Variants in IKBKB observed in about 807,000 individuals in gnomAD.
IKBKB encodes inhibitor of nuclear factor kappa-B kinase subunit beta.
In IKBKB, 42 loss-of-function variants were observed where a neutral mutation model predicts 113.6. The observed-to-expected ratio is 0.37, with a 90% CI of 0.29 to 0.48. IKBKB has a LOEUF of 0.48. IKBKB is among the 20% of genes least tolerant of loss of function. The probability of loss-of-function intolerance (pLI) is 0.99; values close to 1 mark genes in which losing one functional copy is unlikely to be tolerated. For missense variants in IKBKB, 673 were observed against 939.7 expected, an observed-to-expected ratio of 0.72 and a Z score of 3.71; for synonymous variants, 296 against 361.3, an observed-to-expected ratio of 0.82 and a Z score of 2.05.
intron 2 of IKBKB, among the ~76,000 whole-genome samples, chr8:42,287,953 C>CA (rs370121346): frequency 3.2e-4 from 49 of 152,232 alleles, no homozygotes; most frequent in African/African-American, 1.2e-3. Context: ...AGCAGTGTCC[C>CA]ATGGGTCAGC....
intron 2 of IKBKB, 148 bp downstream of exon 2, chr8:42,272,353 A>G (rs1371236187): frequency 1.0e-6 from 1 of 984,654 alleles, no homozygotes; most frequent in African/African-American, 1.6e-5. Context: ...AGAGGGCTTC[A>G]GGACTTCTGA....
At chr8:42,286,684 C>A (rs979883338) in intron 2 of IKBKB, among the ~76,000 whole-genome samples, 1 of 152,164 alleles carries the variant, frequency 6.6e-6, no homozygotes, top group East Asian at 1.9e-4. Flanking sequence ...CCAGGCTGAT[C>A]TGTGTGTCTT....
intron 6 of IKBKB, among the ~76,000 whole-genome samples, chr8:42,305,703 CTA>C (rs936786906): frequency 6.6e-6 from 1 of 152,216 alleles, no homozygotes; most frequent in African/African-American, 2.4e-5. Context: ...CTGGTCCAGC[CTA>C]TAGTTTCCCC....
Position 42,316,148 on chromosome 8 carries a change from C to A in IKBKB, c.801-62C>A. 6.3e-7 allele frequency: 1 copy of A among 1,586,306 alleles called. No individual in the cohort carries two copies. Among genetic ancestry groups the A allele is most frequent in the Non-Finnish European group, 8.6e-7 (1 of 1,161,820 alleles). On this transcript the variant is annotated intron_variant, in intron 9 of 21. Coordinates refer to ENST00000520810, the MANE Select transcript of IKBKB (RefSeq NM_001556.3). This position sits in a 1 kb window ranked among gnomAD's most constrained non-coding sequence, Gnocchi z 4.5. ...TGCCGTCTGTGTGTATACTGGGAGA[C>A]GCACACTGTAGCCCAACATTGGCTG...
intron 4 of IKBKB, among the ~76,000 whole-genome samples, chr8:42,291,481 A>G (rs1812634288): frequency 6.6e-6 from 1 of 152,178 alleles, no homozygotes; most frequent in South Asian, 2.1e-4. Context: ...GCGCCCAGCC[A>G]ACAACAATTT....
chr8:42,330,007 T>C, intron 21 of IKBKB: 1 of 985,458 alleles, frequency 1.0e-6, no homozygotes, highest in Non-Finnish European at 1.2e-6. Flanking sequence ...ACATTCTATA[T>C]CTCTTGCTGC....
rs56301637 is a variant in IKBKB, at chr8:42,329,211, C to G, written c.2202C>G (p.Phe734Leu). The G allele has an allele frequency of 1.8e-5, 28 of 1,582,968 alleles. No individual in the cohort carries two copies. The East Asian group carries it at 6.6e-4, about 37-fold the overall frequency. ...CTGTGAGGGAACAAGACCAGAGTTT[C>G]ACGGTAACAGCTTGTGTGAGACTCC... ...QDTVREQDQS[F>L]TALDWSWLQT... The change falls in exon 21 of 22, where the codon TTC becomes TTG. Residue 734 changes from phenylalanine to leucine, a missense_variant. This residue lies in a region of IKBKB where 506 missense variants were observed against 638.7 expected (regional missense o/e 0.79). Transcript: ENST00000520810.
chr8:42,288,696 G>A lies in IKBKB; in HGVS notation c.168G>A (p.Glu56=), dbSNP rs1186913596. 1.2e-6 allele frequency: 2 copies of A among 1,611,510 alleles called. No individual in the cohort carries two copies. Among genetic ancestry groups the A allele is most frequent in the African/African-American group, 1.3e-5 (1 of 74,828 alleles). The change falls in exon 3 of 22, where the codon GAG becomes GAA. Residue 56 remains glutamate, a synonymous_variant. Transcript: ENST00000520810. The part of the protein sequence containing the change: ...CRQELSPRNR[E]RWCLEIQIMR... ...AGGAGCTCAGCCCCCGGAACCGAGA[G>A]CGGTGGTGCCTGGAGATCCAGATCA...
At chr8:42,312,876 T>G (rs1817983007) in intron 8 of IKBKB, among the ~76,000 whole-genome samples, 1 of 152,216 alleles carries the variant, frequency 6.6e-6, no homozygotes, top group Non-Finnish European at 1.5e-5. Flanking sequence ...TTCCTAGATG[T>G]TTTGAGGAAA....
chr8:42,294,317 T>C (rs1813265616), intron 5 of IKBKB, among the ~76,000 whole-genome samples: 1 of 152,220 alleles, frequency 6.6e-6, no homozygotes, highest in Non-Finnish European at 1.5e-5. Flanking sequence ...CTGTATACAT[T>C]TTTTCTTTTT....
At chr8:42,292,371 G>A (rs1812814632) in intron 4 of IKBKB, among the ~76,000 whole-genome samples, 1 of 152,212 alleles carries the variant, frequency 6.6e-6, no homozygotes, top group Admixed American at 6.5e-5. Context: ...GCCTGGCGTG[G>A]GTTGCAGGAT....
At position 42,273,364 on chromosome 8, in the gene IKBKB, G is replaced by A. The variant is rs1464131152; in HGVS notation, c.105+1159G>A. On this transcript the variant is annotated intron_variant, in intron 2 of 21. Coordinates refer to ENST00000520810, the MANE Select transcript of IKBKB (RefSeq NM_001556.3). ...CAGGAGGCAGAGGTTGCAGTGAGCC[G>A]AGATAGTGTCACTGCATTCCAGCCT... 7.3e-5 allele frequency among the ~76,000 whole-genome samples: 11 copies of A among 151,666 alleles called. No individual in the cohort carries two copies. In the East Asian group the frequency reaches 1.2e-3, roughly 16 times the overall value.
At position 42,280,298 on chromosome 8, in the gene IKBKB, C is replaced by A. The variant is rs536648678; in HGVS notation, c.105+8093C>A. 1.3e-3 allele frequency among the ~76,000 whole-genome samples: 197 copies of A among 152,312 alleles called. 1 individual carries two copies. The highest frequency in any genetic ancestry group is 2.1e-3 in the Non-Finnish European group (142 of 68,026). On this transcript the variant is annotated intron_variant, in intron 2 of 21. Coordinates refer to ENST00000520810, the MANE Select transcript of IKBKB (RefSeq NM_001556.3). ...CTGTTCTTGTGGTTCTCCTGCCACG[C>A]GGGCCTCACCATTCCACATTGTGTC... is the stretch of plus-strand genomic sequence containing the variant.
In IKBKB at chr8:42,278,106, A is replaced by G. The variant is rs146189806; in HGVS notation, c.105+5901A>G. On this transcript the variant is annotated intron_variant, in intron 2 of 21. Transcript: ENST00000520810. ...CAGTCAGTGTCAGAGGAGGTTCCCC[A>G]AGGAAGTGACACTTGAACTGAGGCC... 3.7e-3 allele frequency among the ~76,000 whole-genome samples: 556 copies of G among 152,296 alleles called. 7 individuals carry two copies. Among genetic ancestry groups the G allele is most frequent in the African/African-American group, 0.013 (535 of 41,566 alleles).
At chr8:42,327,534 C>T (rs1488674401) in intron 20 of IKBKB, among the ~76,000 whole-genome samples, 1 of 151,502 alleles carries the variant, frequency 6.6e-6, no homozygotes, top group Non-Finnish European at 1.5e-5. Flanking sequence ...GGGGTTTCAC[C>T]GTATTAGCCA....
intron 2 of IKBKB, among the ~76,000 whole-genome samples, chr8:42,283,354 T>TG (rs1810732004): frequency 6.6e-6 from 1 of 151,958 alleles, no homozygotes; most frequent in African/African-American, 2.4e-5. Flanking sequence ...TATGACTGGG[T>TG]GGGGCAGCAT....
chr8:42,310,232 C>G (rs945662665), intron 8 of IKBKB, among the ~76,000 whole-genome samples: 3 of 152,174 alleles, frequency 2.0e-5, no homozygotes, highest in African/African-American at 7.2e-5. Flanking sequence ...AATTTACTTA[C>G]TTCAAGTTTT....
intron 5 of IKBKB, among the ~76,000 whole-genome samples, chr8:42,301,645 C>T (rs1815227039): frequency 6.6e-6 from 1 of 152,152 alleles, no homozygotes; most frequent in Admixed American, 6.5e-5. Context: ...AGATGACCAC[C>T]CCGAAATGAG....
rs1383844139 is a variant in IKBKB at position 42,293,465 on chromosome 8, G to A, written c.341G>A (p.Cys114Tyr). The A allele has an allele frequency of 2.5e-6, 4 of 1,614,082 alleles. No homozygotes were observed. Among genetic ancestry groups the A allele is most frequent in the Admixed American group, 3.3e-5 (2 of 60,012 alleles). ...LRKYLNQFENCCGLREGAILT... is the reference protein window; with the variant it reads ...LRKYLNQFENYCGLREGAILT... The stretch of plus-strand genomic sequence containing the variant: ...CAGTACCTGAACCAGTTTGAGAACT[G>A]CTGTGGTCTGCGGGAAGGTGCCATC... The change falls in exon 5 of 22, where the codon TGC (cysteine) becomes TAC (tyrosine). Residue 114 changes from cysteine (C) to tyrosine (Y), a missense_variant. Around this residue, in one of 2 missense-constraint regions of IKBKB, gnomAD observed 167 missense variants for 301.0 expected, o/e 0.55. Coordinates refer to ENST00000520810, the MANE Select transcript of IKBKB (RefSeq NM_001556.3).
Sources: allele counts gnomAD v4.1 joint callset (sites outside exome capture counted in the v4.1 genomes callset), GRCh38; gene constraint gnomAD v4.1.1; regional missense constraint gnomAD v4.1.1; non-coding constraint Gnocchi (gnomAD v3.1); transcripts MANE v1.5; gene names NCBI Gene and HGNC (gene_info 2026-07-23, HGNC 2026-07-21).